Variants in CACNA2D1 observed in about 807,000 individuals in gnomAD.
CACNA2D1 encodes voltage-dependent calcium channel subunit alpha-2/delta-1.
Under a neutral mutation model 171.5 loss-of-function variants are expected in CACNA2D1, and 53 were observed. The observed-to-expected ratio is 0.31, with a 90% confidence interval of 0.25 to 0.39. The LOEUF is 0.39. Ranked by LOEUF, CACNA2D1 falls within the 10% of genes least tolerant of loss-of-function variation. The pLI, the probability that CACNA2D1 is intolerant of heterozygous loss-of-function variation, is 1.00. For missense variants in CACNA2D1, 903 were observed against 1,299.8 expected (o/e 0.69, Z 4.69); for synonymous variants, 442 against 443.1 (o/e 1.00, Z 0.03).
At chr7:82,000,722 G>C (rs1200138195) in intron 18 of CACNA2D1, among the ~76,000 whole-genome samples, 1 of 144,352 alleles carries the variant, frequency 6.9e-6, no homozygotes, top group Non-Finnish European at 1.5e-5. Context: ...AGCTTCTTGA[G>C]TGGCTGGGAC....
At chr7:82,341,471 A>T (rs1585570118) in intron 2 of CACNA2D1, among the ~76,000 whole-genome samples, 1 of 152,288 alleles carries the variant, frequency 6.6e-6, no homozygotes. Context: ...TAACAAAATG[A>T]ATTTTGCCAT....
At position 82,035,462 on chromosome 7, in the gene CACNA2D1, T is replaced by C. The variant is rs558561572; in HGVS notation, c.1039-2561A>G. 2.8e-4 allele frequency among the ~76,000 whole-genome samples: 43 copies of C among 152,204 alleles called. 1 individual carries two copies. In the South Asian group the frequency reaches 8.9e-3, roughly 32 times the overall value. ...AATTTCAATATATATGTGGGATGTA[T>C]GGAAAGTAAAACACATTAGACTTAC... On this transcript the variant is annotated intron_variant, in intron 11 of 38. Transcript: ENST00000356860.
At position 82,366,354 on chromosome 7, in the gene CACNA2D1, G is replaced by A. The variant is rs140069046; in HGVS notation, c.96-16705C>T. ...GTAGTGAACATAATAGCCAATAGGC[G>A]GTTTTTCACTCCTTGACCCCCTCTC... On this transcript the variant is annotated intron_variant, in intron 1 of 38. Transcript: ENST00000356860. Among the ~76,000 whole-genome samples the A allele has an allele frequency of 4.4e-3, 666 of 152,114 alleles. 2 individuals carry two copies. Among genetic ancestry groups the A allele is most frequent in the African/African-American group, 0.016 (644 of 41,494 alleles).
chr7:82,332,821 G>C (rs772865753), intron 3 of CACNA2D1, among the ~76,000 whole-genome samples: 1 of 152,110 alleles, frequency 6.6e-6, no homozygotes, highest in Non-Finnish European at 1.5e-5. Context: ...GCAACATAGG[G>C]AGACCTCATC....
At chr7:82,140,508 A>G (rs1792238615) in intron 4 of CACNA2D1, among the ~76,000 whole-genome samples, 1 of 152,182 alleles carries the variant, frequency 6.6e-6, no homozygotes, top group African/African-American at 2.4e-5. Context: ...GGGCATCAGG[A>G]GTTGGAGAAA....
chr7:82,240,061 T>G (rs553012370), intron 3 of CACNA2D1, among the ~76,000 whole-genome samples: 1 of 152,292 alleles, frequency 6.6e-6, no homozygotes, highest in East Asian at 1.9e-4. Context: ...AAGATTATTG[T>G]GCAAAAGAAC....
chr7:82,188,677 C>G (rs1195545245), intron 3 of CACNA2D1, among the ~76,000 whole-genome samples: 1 of 151,892 alleles, frequency 6.6e-6, no homozygotes, highest in Non-Finnish European at 1.5e-5. Flanking sequence ...GGGTATATAC[C>G]CAAAGGAATA....
At chr7:82,212,193 G>A (rs1800628042) in intron 3 of CACNA2D1, among the ~76,000 whole-genome samples, 1 of 152,152 alleles carries the variant, frequency 6.6e-6, no homozygotes, top group Non-Finnish European at 1.5e-5. Context: ...TGATCCAAAT[G>A]ATGGATATAA....
At chr7:82,193,697 C>T (rs571319119) in intron 3 of CACNA2D1, among the ~76,000 whole-genome samples, 3 of 151,990 alleles carry the variant, frequency 2.0e-5, no homozygotes, top group Non-Finnish European at 4.4e-5. Flanking sequence ...ATTTATCTTC[C>T]CCCCAACAAG....
chr7:82,130,978 T>G (rs1340865142), intron 5 of CACNA2D1, among the ~76,000 whole-genome samples: 1 of 151,852 alleles, frequency 6.6e-6, no homozygotes, highest in African/African-American at 2.4e-5. Flanking sequence ...TAAAAAAATA[T>G]TTTTTAGTAG....
At chr7:82,039,202 A>G (rs1425714894) in intron 10 of CACNA2D1, among the ~76,000 whole-genome samples, 1 of 152,208 alleles carries the variant, frequency 6.6e-6, no homozygotes, top group African/African-American at 2.4e-5. Flanking sequence ...AAAAACATAT[A>G]CTTATTTTAA....
intron 3 of CACNA2D1, among the ~76,000 whole-genome samples, chr7:82,189,796 C>T (rs1483626453): frequency 1.3e-5 from 2 of 151,754 alleles, no homozygotes; most frequent in Non-Finnish European, 2.9e-5. Flanking sequence ...TTCATTGTCA[C>T]TGACTTTTTT....
chr7:82,312,013 A>T (rs1410234936), intron 3 of CACNA2D1, among the ~76,000 whole-genome samples: 1 of 152,176 alleles, frequency 6.6e-6, no homozygotes, highest in Non-Finnish European at 1.5e-5. Flanking sequence ...TTATAGACAC[A>T]GTCTTTGGCT....
intron 3 of CACNA2D1, among the ~76,000 whole-genome samples, chr7:82,331,720 T>C (rs909772820): frequency 6.6e-6 from 1 of 152,170 alleles, no homozygotes; most frequent in African/African-American, 2.4e-5. Flanking sequence ...AAAGTCTCAA[T>C]AGAATTCTAT....
chr7:82,038,449 T>C (rs1562906074), intron 10 of CACNA2D1, among the ~76,000 whole-genome samples: 1 of 152,302 alleles, frequency 6.6e-6, no homozygotes, highest in East Asian at 1.9e-4. Flanking sequence ...CTGCTGCTTA[T>C]ATTCCCGAAG....
At chr7:82,222,095 A>G (rs1182746808) in intron 3 of CACNA2D1, among the ~76,000 whole-genome samples, 1 of 152,192 alleles carries the variant, frequency 6.6e-6, no homozygotes, top group East Asian at 1.9e-4. Flanking sequence ...AATAAGCAAA[A>G]TGGGGTTTCT....
chr7:82,421,437 A>T (rs1360277089), intron 1 of CACNA2D1, among the ~76,000 whole-genome samples: 1 of 152,184 alleles, frequency 6.6e-6, no homozygotes, highest in Non-Finnish European at 1.5e-5. Context: ...AAATGACATC[A>T]CTAGGAAGAT....
At position 82,389,165 on chromosome 7, in the gene CACNA2D1, T is replaced by TATAC. The variant is rs1554537406; in HGVS notation, c.96-39517_96-39516insGTAT. Among the ~76,000 whole-genome samples the TATAC allele has an allele frequency of 5.4e-3, 796 of 146,472 alleles. 9 individuals are homozygous for TATAC. The highest frequency in any genetic ancestry group is 0.018 in the African/African-American group (713 of 40,154). ...ATATATATTTATATATATATATATA[T>TATAC]ACACACACACACATTATGTGTATAT... is the stretch of plus-strand genomic sequence containing the variant. On this transcript the variant is annotated intron_variant, in intron 1 of 38. Transcript: ENST00000356860.
intron 3 of CACNA2D1, among the ~76,000 whole-genome samples, chr7:82,331,719 A>G (rs1335422711): frequency 6.6e-6 from 1 of 152,208 alleles, no homozygotes; most frequent in Admixed American, 6.5e-5. Context: ...GAAAGTCTCA[A>G]TAGAATTCTA....
Sources: allele counts gnomAD v4.1 joint callset (sites outside exome capture counted in the v4.1 genomes callset), GRCh38; gene constraint gnomAD v4.1.1; transcripts MANE v1.5; gene names NCBI Gene and HGNC (gene_info 2026-07-23, HGNC 2026-07-21).